EPHB1: variants seen among roughly 807,000 people sequenced by gnomAD.
The protein encoded by EPHB1 is ephrin type-B receptor 1.
EPHB1 carries 30 observed loss-of-function variants against 94.4 expected under a neutral mutation model. The ratio of observed to expected loss-of-function variants is 0.32; its 90% CI spans 0.24 to 0.43. The LOEUF (loss-of-function observed/expected upper bound fraction) is 0.43. EPHB1 is among the 20% of genes least tolerant of loss of function. The pLI is 1.00. For synonymous variants in EPHB1, 522 were observed against 489.1 expected, an observed-to-expected ratio of 1.07 and a Z score of -0.89; for missense variants, 1,055 against 1,308.3, an observed-to-expected ratio of 0.81 and a Z score of 2.99.
chr3:135,247,480 AT>A (rs1438022331), intron 13 of EPHB1, among the ~76,000 whole-genome samples: 3 of 152,154 alleles, frequency 2.0e-5, no homozygotes, highest in Non-Finnish European at 4.4e-5. Context: ...ACTTACAATT[AT>A]TTTTTTAATG....
intron 1 of EPHB1, chr3:134,841,650 T>C (rs1372668142): frequency 6.6e-6 from 1 of 152,082 alleles, no homozygotes; most frequent in East Asian, 1.9e-4. Context: ...ATGAGAAGAG[T>C]GTGAATGTTG....
chr3:134,851,911 G>T (rs1486543410), intron 1 of EPHB1, among the ~76,000 whole-genome samples: 1 of 152,140 alleles, frequency 6.6e-6, no homozygotes, highest in South Asian at 2.1e-4. Context: ...GGCCCTGGAG[G>T]CCTGGTGTGC....
intron 10 of EPHB1, among the ~76,000 whole-genome samples, chr3:135,186,657 C>T (rs1942337457): frequency 6.6e-6 from 1 of 152,118 alleles, no homozygotes; most frequent in Non-Finnish European, 1.5e-5. Flanking sequence ...GCTTGAAATA[C>T]CTGCTGGCAG....
At chr3:134,926,344 AT>A (rs2038790436) in intron 2 of EPHB1, among the ~76,000 whole-genome samples, 1 of 152,230 alleles carries the variant, frequency 6.6e-6, no homozygotes, top group Non-Finnish European at 1.5e-5. Flanking sequence ...AAAATAGATT[AT>A]CCTTGAGGAG....
intron 3 of EPHB1, among the ~76,000 whole-genome samples, chr3:135,047,560 C>G (rs1937037431): frequency 6.6e-6 from 1 of 152,190 alleles, no homozygotes; most frequent in Admixed American, 6.5e-5. Flanking sequence ...TGCTTCCCTG[C>G]CTGCAGCTCT....
At chr3:134,878,954 G>A (rs1013179731) in intron 1 of EPHB1, among the ~76,000 whole-genome samples, 4 of 152,266 alleles carry the variant, frequency 2.6e-5, no homozygotes, top group South Asian at 4.2e-4. Context: ...GTGTTTGAGA[G>A]GTGTTAAAGA....
chr3:135,115,151 T>G (rs933610573), intron 4 of EPHB1, among the ~76,000 whole-genome samples: 14 of 152,168 alleles, frequency 9.2e-5, no homozygotes. Flanking sequence ...TAACGTGAAG[T>G]GCATCCATGT....
chr3:134,967,451 A>G (rs1259625116), intron 3 of EPHB1, among the ~76,000 whole-genome samples: 1 of 152,188 alleles, frequency 6.6e-6, no homozygotes, highest in Non-Finnish European at 1.5e-5. Flanking sequence ...CTCTGCACTC[A>G]TGAATGAATT....
At chr3:135,160,558 C>G (rs1231864223) in intron 6 of EPHB1, among the ~76,000 whole-genome samples, 1 of 152,166 alleles carries the variant, frequency 6.6e-6, no homozygotes, top group East Asian at 1.9e-4. Context: ...GATCCAGGCT[C>G]TTCATTTTCA....
chr3:135,179,990 T>G lies in EPHB1; in HGVS notation c.1882+8T>G. On this transcript the variant is annotated splice_region_variant and intron_variant, in intron 10 of 15. Transcript: ENST00000398015. ...AAGAGGTCATCGGAGCAGGTATGGCTCTTCCCTGTCTTGTTTCTGTTCTCC... is the reference window on the plus strand; with the variant it reads ...AAGAGGTCATCGGAGCAGGTATGGCGCTTCCCTGTCTTGTTTCTGTTCTCC... 6.2e-7 allele frequency: 1 copy of G among 1,613,600 alleles called. No homozygotes were observed.
At chr3:134,858,673 C>A (rs7645894) in intron 1 of EPHB1, among the ~76,000 whole-genome samples, 1 of 152,242 alleles carries the variant, frequency 6.6e-6, no homozygotes, top group Non-Finnish European at 1.5e-5. Flanking sequence ...AAAAATAACA[C>A]TACGGAATGA....
chr3:135,034,047 C>CT lies in EPHB1; in HGVS notation c.806-72391dup, dbSNP rs201065555. Reference sequence around the variant, plus strand: ...TTCAGAATTTCATTTCTCTGCTTCTCTTTTTTTTTTAAACTCTGAGAAGGA... The same window carrying CT: ...TTCAGAATTTCATTTCTCTGCTTCTCTTTTTTTTTTTAAACTCTGAGAAGGA... On this transcript the variant is annotated intron_variant, in intron 3 of 15. Transcript: ENST00000398015. Among the ~76,000 whole-genome samples, 988 of 149,746 alleles carry CT rather than the reference C, an allele frequency of 6.6e-3. 5 individuals are homozygous for CT. Among genetic ancestry groups the CT allele is most frequent in the African/African-American group, 0.023 (937 of 40,866 alleles).
At chr3:134,893,914 T>C (rs1171913156) in intron 1 of EPHB1, among the ~76,000 whole-genome samples, 1 of 152,232 alleles carries the variant, frequency 6.6e-6, no homozygotes, top group South Asian at 2.1e-4. Context: ...GTGGCCAAAC[T>C]GTGGACCCAA....
intron 1 of EPHB1, among the ~76,000 whole-genome samples, chr3:134,888,286 C>A (rs1361660242): frequency 1.3e-5 from 2 of 152,306 alleles, no homozygotes; most frequent in South Asian, 2.1e-4. Context: ...TCTACACTTA[C>A]CTGGAAGGTC....
At chr3:134,870,395 A>G (rs1348311886) in intron 1 of EPHB1, among the ~76,000 whole-genome samples, 2 of 152,216 alleles carry the variant, frequency 1.3e-5, no homozygotes, top group Non-Finnish European at 2.9e-5. Flanking sequence ...AGAAGATACC[A>G]TCCTCTAGCC....
At chr3:134,831,351 G>C (rs1398980906) in intron 1 of EPHB1, among the ~76,000 whole-genome samples, 1 of 152,160 alleles carries the variant, frequency 6.6e-6, no homozygotes, top group African/African-American at 2.4e-5. Context: ...TTCTAGAACA[G>C]CTGCCCAATC....
intron 2 of EPHB1, among the ~76,000 whole-genome samples, chr3:134,930,541 G>C (rs43208): frequency 0.46 from 69,598 of 151,744 alleles, 17,654 homozygotes; most frequent in African/African-American, 0.68. Flanking sequence ...TCTAGCCCTG[G>C]CCTGAAAGAC....
chr3:135,108,927 A>G (rs1939331915), intron 4 of EPHB1, among the ~76,000 whole-genome samples: 9 of 152,158 alleles, frequency 5.9e-5, no homozygotes, highest in Admixed American at 5.9e-4. Flanking sequence ...GGACAGTGGG[A>G]ATCACCTTCA....
chr3:135,155,002 T>A (rs999480536), intron 6 of EPHB1, among the ~76,000 whole-genome samples: 4 of 152,196 alleles, frequency 2.6e-5, no homozygotes, highest in African/African-American at 9.6e-5. Context: ...ACATTATTCA[T>A]TCACTTATTT....
Sources: gnomAD v4.1 joint callset for allele counts (sites outside exome capture counted in the v4.1 genomes callset) on GRCh38, gnomAD v4.1.1 for gene constraint, MANE v1.5 for transcripts, NCBI Gene and HGNC (gene_info 2026-07-23, HGNC 2026-07-21) for gene names.